The following GRID2 variants were observed in gnomAD, a reference collection of about 807,000 sequenced individuals.
The protein encoded by GRID2 is glutamate receptor ionotropic, delta-2.
In GRID2, 33 loss-of-function variants were observed where a neutral mutation model predicts 114.8. That is an observed-to-expected ratio of 0.29 (90% CI 0.22 to 0.38). The LOEUF is 0.38. GRID2 is among the 10% of genes least tolerant of loss of function. GRID2 has a pLI of 1.00. For synonymous variants in GRID2, 505 were observed against 449.9 expected (o/e 1.12, Z -1.55); for missense variants, 1,184 against 1,257.7 (o/e 0.94, Z 0.89).
chr4:93,488,146 A>G (rs1255771093), intron 11 of GRID2, among the ~76,000 whole-genome samples: 1 of 151,932 alleles, frequency 6.6e-6, no homozygotes, highest in African/African-American at 2.4e-5. Context: ...ACATATTAAC[A>G]TCTTTTAGTC....
intron 2 of GRID2, among the ~76,000 whole-genome samples, chr4:92,911,524 G>A (rs1748380561): frequency 1.3e-5 from 2 of 151,802 alleles, no homozygotes; most frequent in African/African-American, 4.8e-5. Flanking sequence ...TGTATTGTTG[G>A]ACTGCCATGA....
Position 92,515,660 on chromosome 4 carries a change from T to C in GRID2, c.89-74471T>C, listed in dbSNP as rs557007062. Among the ~76,000 whole-genome samples, 5 of 152,040 alleles carry C rather than the reference T, an allele frequency of 3.3e-5. No homozygotes were observed. The East Asian group carries it at 9.8e-4, about 30-fold the overall frequency. On this transcript the variant is annotated intron_variant, in intron 1 of 15. Transcript: ENST00000282020. ...TGTTCTGGATAAAATCTACCTTGGG[T>C]ATTGTAGAAGTATATTCACACAAAT...
chr4:93,117,320 A>T (rs1423747092), intron 4 of GRID2, among the ~76,000 whole-genome samples: 1 of 151,748 alleles, frequency 6.6e-6, no homozygotes, highest in Admixed American at 6.6e-5. Flanking sequence ...TTAGAAGAGA[A>T]TCCTATGCTT....
chr4:92,769,726 T>C (rs1383468120), intron 2 of GRID2, among the ~76,000 whole-genome samples: 1 of 152,140 alleles, frequency 6.6e-6, no homozygotes, highest in African/African-American at 2.4e-5. Flanking sequence ...CAGCCCAAGG[T>C]GTACCTTGGC....
At chr4:92,420,296 T>C (rs1731836677) in intron 1 of GRID2, among the ~76,000 whole-genome samples, 2 of 152,164 alleles carry the variant, frequency 1.3e-5, no homozygotes, top group Non-Finnish European at 2.9e-5. Flanking sequence ...CCATAAACTT[T>C]TAAATAGTAA....
At chr4:93,744,314 C>A (rs1220286873) in intron 14 of GRID2, among the ~76,000 whole-genome samples, 3 of 152,156 alleles carry the variant, frequency 2.0e-5, no homozygotes, top group Non-Finnish European at 2.9e-5. Flanking sequence ...CATAGACAGA[C>A]AATCTGGGCA....
intron 2 of GRID2, among the ~76,000 whole-genome samples, chr4:92,722,543 G>A (rs1267711119): frequency 6.6e-6 from 1 of 151,998 alleles, no homozygotes; most frequent in Non-Finnish European, 1.5e-5. Context: ...ACATGACAAG[G>A]GGAAAGAGAA....
intron 13 of GRID2, among the ~76,000 whole-genome samples, chr4:93,584,043 G>T (rs185625326): frequency 2.9e-4 from 44 of 152,242 alleles, no homozygotes; most frequent in African/African-American, 9.4e-4. Context: ...AAATTGGAAA[G>T]AATTTTAGGG....
chr4:93,280,065 G>A (rs1752494544), intron 8 of GRID2, among the ~76,000 whole-genome samples: 1 of 151,840 alleles, frequency 6.6e-6, no homozygotes, highest in African/African-American at 2.4e-5. Flanking sequence ...AGCAAAAAAT[G>A]GTGAGTGCTA....
chr4:93,459,334 A>G (rs900483216), intron 11 of GRID2, among the ~76,000 whole-genome samples: 8 of 151,958 alleles, frequency 5.3e-5, no homozygotes, highest in Non-Finnish European at 1.0e-4. Flanking sequence ...ATTTTTTTTG[A>G]AATGTAATAG....
intron 4 of GRID2, among the ~76,000 whole-genome samples, chr4:93,134,499 A>T (rs1305773950): frequency 1.3e-5 from 2 of 152,156 alleles, no homozygotes; most frequent in Admixed American, 6.6e-5. Flanking sequence ...CTATCACAAC[A>T]TGAAACCTCT....
rs1002810169 is a variant in GRID2 at position 92,442,844 on chromosome 4, A to T, written c.88+138100A>T. Among the ~76,000 whole-genome samples the T allele has an allele frequency of 5.9e-5, 9 of 152,154 alleles. 1 individual carries two copies. In the East Asian group the frequency reaches 1.7e-3, roughly 29 times the overall value. On this transcript the variant is annotated intron_variant, in intron 1 of 15. Transcript: ENST00000282020. Reference sequence around the variant, plus strand: ...GAGCATTAACCTTGACTATGCCTTTAGCTCCAGCCACCTTTTTAAGAGTAA... The same window carrying T: ...GAGCATTAACCTTGACTATGCCTTTTGCTCCAGCCACCTTTTTAAGAGTAA...
At chr4:93,110,099 G>A (rs1027576529) in intron 3 of GRID2, among the ~76,000 whole-genome samples, 1 of 151,960 alleles carries the variant, frequency 6.6e-6, no homozygotes. Flanking sequence ...AATATGTTTT[G>A]CACATTAAGT....
At chr4:92,873,796 C>T (rs1477748289) in intron 2 of GRID2, among the ~76,000 whole-genome samples, 1 of 152,136 alleles carries the variant, frequency 6.6e-6, no homozygotes, top group Non-Finnish European at 1.5e-5. Context: ...CTCACCGCAA[C>T]TTCCACCTCC....
intron 2 of GRID2, among the ~76,000 whole-genome samples, chr4:92,957,380 G>C: frequency 6.6e-6 from 1 of 151,972 alleles, no homozygotes; most frequent in East Asian, 1.9e-4. Flanking sequence ...TGGTTGTCTA[G>C]TTGTTCCAGC....
chr4:93,462,434 G>A (rs59877838), intron 11 of GRID2, among the ~76,000 whole-genome samples: 1 of 152,216 alleles, frequency 6.6e-6, no homozygotes, highest in East Asian at 1.9e-4. Context: ...TAGAAAGTGT[G>A]CCTTTAGGAG....
At chr4:92,876,617 T>G (rs72663602) in intron 2 of GRID2, among the ~76,000 whole-genome samples, 1,804 of 152,290 alleles carry the variant, frequency 0.012, 18 homozygotes, top group Middle Eastern at 0.075. Context: ...AAACCCAATT[T>G]TCTTGATTAT....
chr4:93,023,852 C>T (rs1218777986), intron 2 of GRID2, among the ~76,000 whole-genome samples: 14 of 151,746 alleles, frequency 9.2e-5, no homozygotes, highest in Non-Finnish European at 4.4e-5. Flanking sequence ...TAATAGAGCA[C>T]CTGTAGCTGT....
chr4:93,436,071 T>G (rs989128477), intron 10 of GRID2, among the ~76,000 whole-genome samples: 2 of 152,198 alleles, frequency 1.3e-5, no homozygotes, highest in South Asian at 4.1e-4. Flanking sequence ...ATTAGGTGTC[T>G]TTGGTTGCAA....
Sources: gnomAD v4.1 joint callset for allele counts (sites outside exome capture counted in the v4.1 genomes callset) on GRCh38, gnomAD v4.1.1 for gene constraint, MANE v1.5 for transcripts, NCBI Gene and HGNC (gene_info 2026-07-23, HGNC 2026-07-21) for gene names.